The following BCAS3 variants were observed in gnomAD, a reference collection of about 807,000 sequenced individuals.
The protein encoded by BCAS3 is BCAS3 microtubule associated cell migration factor, also known as BCAS4/BCAS3 fusion.
BCAS3 carries 53 observed loss-of-function variants against 116.1 expected under a neutral mutation model. The observed-to-expected ratio is 0.46, with a 90% CI of 0.37 to 0.57. The LOEUF (loss-of-function observed/expected upper bound fraction) is 0.57, where lower values mean the gene tolerates loss of function less well. Among genes scored for constraint, BCAS3 ranks in the 20% least tolerant of loss-of-function variants. The probability of loss-of-function intolerance (pLI) is 0.00; values close to 1 mark genes in which losing one functional copy is unlikely to be tolerated. For missense variants in BCAS3, 917 were observed against 1,165.4 expected (o/e 0.79, Z 3.10); for synonymous variants, 391 against 408.2 (o/e 0.96, Z 0.51).
intron 6 of BCAS3, among the ~76,000 whole-genome samples, chr17:60,784,463 T>TA (rs1363765395): frequency 5.1e-4 from 64 of 126,342 alleles, no homozygotes; most frequent in African/African-American, 3.2e-3. Context: ...CATGCCCGGA[T>TA]AATTTTTTTT....
intron 22 of BCAS3, among the ~76,000 whole-genome samples, chr17:61,291,086 G>C (rs1364240903): frequency 6.6e-6 from 1 of 152,136 alleles, no homozygotes; most frequent in Non-Finnish European, 1.5e-5. Context: ...GGCCTAGTTT[G>C]CCTATTTTAG....
chr17:60,782,067 C>A (rs1031098723), intron 6 of BCAS3, among the ~76,000 whole-genome samples: 1 of 152,264 alleles, frequency 6.6e-6, no homozygotes, highest in South Asian at 2.1e-4. Flanking sequence ...GAAACCTATA[C>A]CTGCTACATA....
At chr17:60,963,287 G>T (rs2061496313) in intron 14 of BCAS3, among the ~76,000 whole-genome samples, 1 of 151,802 alleles carries the variant, frequency 6.6e-6, no homozygotes, top group Non-Finnish European at 1.5e-5. Flanking sequence ...TTGGAATTTT[G>T]ATAGGGATTG....
intron 7 of BCAS3, among the ~76,000 whole-genome samples, chr17:60,809,081 T>G (rs2048546157): frequency 6.6e-6 from 1 of 151,936 alleles, no homozygotes; most frequent in Non-Finnish European, 1.5e-5. Context: ...GTCAGGAGAT[T>G]GAGACCAGCC....
intron 19 of BCAS3, among the ~76,000 whole-genome samples, chr17:61,064,756 A>G (rs2070433128): frequency 6.6e-6 from 1 of 152,216 alleles, no homozygotes. Context: ...GATGTACAAT[A>G]CTGACTGTTA....
At chr17:61,022,335 C>T (rs1158220773) in intron 16 of BCAS3, among the ~76,000 whole-genome samples, 2 of 152,074 alleles carry the variant, frequency 1.3e-5, no homozygotes, top group African/African-American at 2.4e-5. Context: ...CTGCAAGCTC[C>T]GCCTCCTGGG....
intron 22 of BCAS3, among the ~76,000 whole-genome samples, chr17:61,153,503 T>C (rs2077656548): frequency 6.6e-6 from 1 of 152,194 alleles, no homozygotes; most frequent in Non-Finnish European, 1.5e-5. Flanking sequence ...AGCCACATAA[T>C]CTCTGCAACC....
At chr17:61,114,478 TC>T (rs1370561658) in intron 22 of BCAS3, among the ~76,000 whole-genome samples, 1 of 149,170 alleles carries the variant, frequency 6.7e-6, no homozygotes, top group African/African-American at 2.5e-5. Context: ...ATGAGTGAAC[TC>T]CCATTCACAA....
In BCAS3 at chr17:61,281,438, A is replaced by G. The variant is rs535935175; in HGVS notation, c.2426-86889A>G. 5.3e-5 allele frequency among the ~76,000 whole-genome samples: 8 copies of G among 152,306 alleles called. No homozygotes were observed. Among genetic ancestry groups the G allele is most frequent in the African/African-American group, 1.9e-4 (8 of 41,564 alleles). On this transcript the variant is annotated intron_variant, in intron 22 of 23. Transcript: ENST00000407086. This position sits in a 1 kb window ranked among gnomAD's most constrained non-coding sequence, Gnocchi z 4.2. ...ATTTTCCATCATAGTCACCATACTA[A>G]GTTATACTCCCACCCCCAGGTATGA...
intron 4 of BCAS3, among the ~76,000 whole-genome samples, chr17:60,706,943 C>T (rs1014977504): frequency 1.3e-5 from 2 of 151,604 alleles, no homozygotes; most frequent in Admixed American, 1.3e-4. Flanking sequence ...GTCTCCCCAG[C>T]AACTGAGACT....
At position 61,220,469 on chromosome 17, in the gene BCAS3, C is replaced by T. The variant is rs1196632287; in HGVS notation, c.2425+135905C>T. ...CAACTTGGTTCCATTATTTGATCTT[C>T]AGATTCAACAAAGTAGCCGAATTCT... On this transcript the variant is annotated intron_variant, in intron 22 of 23. Coordinates refer to ENST00000407086, the MANE Select transcript of BCAS3 (RefSeq NM_017679.5). This position sits in a 1 kb window ranked among gnomAD's most constrained non-coding sequence, Gnocchi z 4.5. Among the ~76,000 whole-genome samples, 5 of 152,134 alleles carry T rather than the reference C, an allele frequency of 3.3e-5. No individual in the cohort carries two copies. Among genetic ancestry groups the T allele is most frequent in the Non-Finnish European group, 5.9e-5 (4 of 68,042 alleles).
intron 14 of BCAS3, among the ~76,000 whole-genome samples, chr17:60,953,353 A>G (rs2060943957): frequency 6.6e-6 from 1 of 152,022 alleles, no homozygotes; most frequent in Admixed American, 6.6e-5. Flanking sequence ...GCATTTCTCT[A>G]ATGACATTCT....
chr17:60,845,834 A>G (rs910822648), intron 7 of BCAS3, among the ~76,000 whole-genome samples: 4 of 138,720 alleles, frequency 2.9e-5, no homozygotes, highest in Middle Eastern at 3.8e-3. Flanking sequence ...TCACTTTGTC[A>G]TAGCTCACTG....
chr17:61,319,868 TTTC>T (rs796272234), intron 22 of BCAS3, among the ~76,000 whole-genome samples: 12 of 150,956 alleles, frequency 7.9e-5, no homozygotes, highest in African/African-American at 2.4e-4. Flanking sequence ...TTTTTCTTTC[TTTC>T]TTCTTCTTCT....
chr17:61,386,336 G>T (rs1208067213), intron 23 of BCAS3, among the ~76,000 whole-genome samples: 2 of 152,156 alleles, frequency 1.3e-5, no homozygotes, highest in African/African-American at 4.8e-5. Context: ...ACTGGCCAGG[G>T]GAAACATCCT....
rs1473206612 is a variant in BCAS3 at position 61,325,834 on chromosome 17, C to T, written c.2426-42493C>T. 6.6e-6 allele frequency among the ~76,000 whole-genome samples: 1 copy of T among 151,970 alleles called. No homozygotes were observed. The highest frequency in any genetic ancestry group is 2.4e-5 in the African/African-American group (1 of 41,352). On this transcript the variant is annotated intron_variant, in intron 22 of 23. Transcript: ENST00000407086. The surrounding 1 kb of genome is among the most constrained non-coding windows in gnomAD (Gnocchi z 6.4). ...GGCAAGATAAACAGGATAGGGTGGT[C>T]CCTGGGGACAGTCATCTGGGACCCA... is the stretch of plus-strand genomic sequence containing the variant.
intron 15 of BCAS3, among the ~76,000 whole-genome samples, chr17:61,000,279 T>G (rs1431183690): frequency 2.0e-5 from 3 of 152,164 alleles, no homozygotes; most frequent in Non-Finnish European, 4.4e-5. Context: ...TTGTTGTAGA[T>G]GACTCTTACT....
intron 22 of BCAS3, among the ~76,000 whole-genome samples, chr17:61,242,469 T>C (rs184280903): frequency 4.6e-4 from 70 of 152,252 alleles, no homozygotes; most frequent in African/African-American, 1.3e-3. Context: ...TTAATGTTGC[T>C]AGGCATAGAG....
At chr17:60,801,506 G>C (rs2047774271) in intron 6 of BCAS3, among the ~76,000 whole-genome samples, 2 of 151,468 alleles carry the variant, frequency 1.3e-5, no homozygotes, top group Admixed American at 1.3e-4. Flanking sequence ...TATTATACTA[G>C]ATAGAACTTC....
Sources: allele counts gnomAD v4.1 joint callset (sites outside exome capture counted in the v4.1 genomes callset), GRCh38; gene constraint gnomAD v4.1.1; non-coding constraint Gnocchi (gnomAD v3.1); transcripts MANE v1.5; gene names NCBI Gene and HGNC (gene_info 2026-07-23, HGNC 2026-07-21).